DMD: variants seen among roughly 807,000 people sequenced by gnomAD.
DMD encodes the protein mutant dystrophin.
In DMD, 63 loss-of-function variants were observed where a neutral mutation model predicts 330.1. That is an observed-to-expected ratio of 0.19 (90% CI 0.16 to 0.24). The LOEUF (loss-of-function observed/expected upper bound fraction) is 0.24, where lower values mean the gene tolerates loss of function less well. DMD is among the 10% of genes least tolerant of loss of function. The pLI is 1.00. For synonymous variants in DMD, 1,223 were observed against 959.8 expected, an observed-to-expected ratio of 1.27 and a Z score of -5.07; for missense variants, 3,344 against 2,684.1, an observed-to-expected ratio of 1.25 and a Z score of -5.43.
At chrX:33,008,827 C>CGT (rs1569548693) in intron 2 of DMD, among the ~76,000 whole-genome samples, 121 of 40,878 alleles carry the variant, frequency 3.0e-3, no homozygotes, top group Middle Eastern at 0.019. Flanking sequence ...TAAATGTATA[C>CGT]GTATATATAT....
intron 1 of DMD, among the ~76,000 whole-genome samples, chrX:33,088,944 A>G (rs1372402518): frequency 9.0e-6 from 1 of 111,158 alleles, no homozygotes; most frequent in Non-Finnish European, 1.9e-5. Context: ...TAACTGAGAG[A>G]TGAGCAAATA....
intron 59 of DMD, 115 bp downstream of exon 59, chrX:31,477,991 G>C (rs2067927533): frequency 3.6e-6 from 3 of 831,955 alleles, no homozygotes; most frequent in Non-Finnish European, 5.1e-6. Flanking sequence ...ATTTGTGAAA[G>C]ACGGACTGAT....
chrX:32,964,860 G>A (rs1035940212), intron 2 of DMD, among the ~76,000 whole-genome samples: 10 of 112,016 alleles, frequency 8.9e-5, no homozygotes, highest in Non-Finnish European at 1.1e-4. Flanking sequence ...AATATCAAAC[G>A]TTATATACCT....
intron 25 of DMD, among the ~76,000 whole-genome samples, chrX:32,458,701 G>T (rs1444999768): frequency 9.0e-6 from 1 of 111,261 alleles, no homozygotes; most frequent in Non-Finnish European, 1.9e-5. Flanking sequence ...ACCCTAACAG[G>T]TATGAAGAGG....
chrX:32,824,001 A>G (rs1229407386), intron 4 of DMD, among the ~76,000 whole-genome samples: 1 of 112,131 alleles, frequency 8.9e-6, no homozygotes, highest in Non-Finnish European at 1.9e-5. Flanking sequence ...CAAGCATATG[A>G]AAAGATGTTC....
At chrX:32,815,431 G>A (rs762790457) in intron 6 of DMD, among the ~76,000 whole-genome samples, 1 of 102,305 alleles carries the variant, frequency 9.8e-6, no homozygotes, top group Admixed American at 1.1e-4. Context: ...TAAATGAAAC[G>A]GGTAACAGGA....
chrX:32,842,500 G>C (rs1205801682), intron 4 of DMD, among the ~76,000 whole-genome samples: 1 of 110,043 alleles, frequency 9.1e-6, no homozygotes, highest in Non-Finnish European at 1.9e-5. Flanking sequence ...GAGCATGTGT[G>C]CCCAAAAAAC....
At chrX:32,053,115 A>G (rs1039209280) in intron 44 of DMD, among the ~76,000 whole-genome samples, 1 of 111,596 alleles carries the variant, frequency 9.0e-6, no homozygotes, top group African/African-American at 3.3e-5. Context: ...AAAATACAAA[A>G]TTGACAATCA....
At chrX:32,503,644 C>T (rs1209365307) in intron 18 of DMD, among the ~76,000 whole-genome samples, 1 of 111,131 alleles carries the variant, frequency 9.0e-6, no homozygotes, top group Non-Finnish European at 1.9e-5. Flanking sequence ...CAACCTCTGC[C>T]TCCCGGGTTC....
chrX:33,143,559 T>G (rs755025890), intron 1 of DMD, among the ~76,000 whole-genome samples: 52 of 111,508 alleles, frequency 4.7e-4, no homozygotes, highest in Non-Finnish European at 9.2e-4. Context: ...AGAAATCATT[T>G]TATTCCCTTA....
intron 44 of DMD, among the ~76,000 whole-genome samples, chrX:32,105,330 T>C (rs1452322921): frequency 8.9e-6 from 1 of 112,189 alleles, no homozygotes; most frequent in Non-Finnish European, 1.9e-5. Flanking sequence ...ATAATGACAA[T>C]TCTATATTTA....
intron 2 of DMD, among the ~76,000 whole-genome samples, chrX:32,941,734 G>T (rs1348165147): frequency 3.6e-5 from 4 of 110,853 alleles, no homozygotes; most frequent in African/African-American, 3.3e-5. Flanking sequence ...AGGATCATTC[G>T]TACCCCAAAC....
chrX:32,859,257 C>G (rs2081865750), intron 2 of DMD, among the ~76,000 whole-genome samples: 1 of 110,377 alleles, frequency 9.1e-6, no homozygotes, highest in Admixed American at 9.7e-5. Flanking sequence ...CACTTAAGGT[C>G]AGGAGTTCGA....
intron 48 of DMD, among the ~76,000 whole-genome samples, chrX:31,839,968 T>C (rs1347342391): frequency 9.0e-6 from 1 of 111,678 alleles, no homozygotes; most frequent in Non-Finnish European, 1.9e-5. Context: ...AAAACTTCTA[T>C]GAGTATTAAA....
At chrX:32,376,615 C>A (rs1256116900) in intron 34 of DMD, among the ~76,000 whole-genome samples, 2 of 111,118 alleles carry the variant, frequency 1.8e-5, no homozygotes, top group Admixed American at 9.7e-5. Context: ...TGCCTGGCTG[C>A]TTTGGTGGTC....
At chrX:32,912,354 C>G (rs1435335851) in intron 2 of DMD, among the ~76,000 whole-genome samples, 3 of 110,956 alleles carry the variant, frequency 2.7e-5, no homozygotes, top group Non-Finnish European at 5.7e-5. Flanking sequence ...CTGGCACACA[C>G]AGTCTACAAA....
At position 31,381,358 on chromosome X, in the gene DMD, G is replaced by A. The variant is rs184751445; in HGVS notation, c.9085-32724C>T. Among the ~76,000 whole-genome samples the A allele has an allele frequency of 2.6e-3, 289 of 111,636 alleles. 1 individual carries two copies. Among genetic ancestry groups the A allele is most frequent in the Non-Finnish European group, 3.9e-3 (209 of 53,129 alleles). On this transcript the variant is annotated intron_variant, in intron 60 of 78. Coordinates refer to ENST00000357033, the MANE Select transcript of DMD (RefSeq NM_004006.3). Reference sequence around the variant, plus strand: ...TTGCCTAGCCCTCATGTCTGCGTGCGGCAGCCGCCACCACCCTAATACTTT... The same window carrying A: ...TTGCCTAGCCCTCATGTCTGCGTGCAGCAGCCGCCACCACCCTAATACTTT...
At chrX:32,711,378 T>G (rs2065176697) in intron 7 of DMD, among the ~76,000 whole-genome samples, 1 of 110,867 alleles carries the variant, frequency 9.0e-6, no homozygotes, top group African/African-American at 3.3e-5. Context: ...CTATGGAGCC[T>G]GACTCCTTAT....
intron 57 of DMD, among the ~76,000 whole-genome samples, chrX:31,490,654 G>A (rs1012613644): frequency 8.9e-6 from 1 of 112,325 alleles, no homozygotes; most frequent in Non-Finnish European, 1.9e-5. Flanking sequence ...AGGGAACAAC[G>A]CATTTTTCTT....
Sources: gnomAD v4.1 joint callset for allele counts (sites outside exome capture counted in the v4.1 genomes callset) on GRCh38, gnomAD v4.1.1 for gene constraint, MANE v1.5 for transcripts, NCBI Gene and HGNC (gene_info 2026-07-23, HGNC 2026-07-21) for gene names.